GABRB2: variants seen among roughly 807,000 people sequenced by gnomAD.
GABRB2 encodes gamma-aminobutyric acid receptor subunit beta-2.
In GABRB2, 16 loss-of-function variants were observed where a neutral mutation model predicts 54.7. The ratio of observed to expected loss-of-function variants is 0.29; its 90% CI spans 0.20 to 0.44. The LOEUF (loss-of-function observed/expected upper bound fraction) is 0.44, where lower values mean the gene tolerates loss of function less well. GABRB2 is among the 20% of genes least tolerant of loss of function. The pLI, the probability that GABRB2 is intolerant of heterozygous loss-of-function variation, is 1.00. For synonymous variants in GABRB2, 244 were observed against 233.8 expected (o/e 1.04, Z -0.40); for missense variants, 355 against 644.0 (o/e 0.55, Z 4.86).
intron 3 of GABRB2, among the ~76,000 whole-genome samples, chr5:161,490,696 C>T: frequency 6.6e-6 from 1 of 151,580 alleles, no homozygotes; most frequent in East Asian, 1.9e-4. Flanking sequence ...ATTTCAAAGC[C>T]TTATATAGTA....
intron 3 of GABRB2, among the ~76,000 whole-genome samples, chr5:161,474,652 C>A (rs1758541625): frequency 1.3e-5 from 2 of 151,878 alleles, no homozygotes; most frequent in African/African-American, 4.8e-5. Flanking sequence ...TGCTTTATTG[C>A]TCTCTCTTAG....
At chr5:161,409,014 C>A (rs1756428341) in intron 5 of GABRB2, among the ~76,000 whole-genome samples, 1 of 152,036 alleles carries the variant, frequency 6.6e-6, no homozygotes, top group Non-Finnish European at 1.5e-5. Flanking sequence ...ATTAATATAA[C>A]ACCATATCTA....
chr5:161,303,449 G>A (rs924508944), intron 9 of GABRB2, among the ~76,000 whole-genome samples: 1 of 152,082 alleles, frequency 6.6e-6, no homozygotes, highest in African/African-American at 2.4e-5. Context: ...TTTATGGATC[G>A]GGGACCTATG....
At chr5:161,491,762 T>G (rs548454165) in intron 3 of GABRB2, among the ~76,000 whole-genome samples, 1 of 151,808 alleles carries the variant, frequency 6.6e-6, no homozygotes, top group South Asian at 2.1e-4. Context: ...TACTGGAGAT[T>G]ATGTCTTAGA....
chr5:161,398,020 T>TAGATAGATAGATAGATAGAC, intron 5 of GABRB2, among the ~76,000 whole-genome samples: 1 of 151,524 alleles, frequency 6.6e-6, no homozygotes, highest in East Asian at 1.9e-4. Context: ...AGATGATAGA[T>TAGATAGATAGATAGATAGAC]AGATAGATAG....
intron 8 of GABRB2, among the ~76,000 whole-genome samples, chr5:161,328,942 T>C (rs766723608): frequency 6.6e-6 from 1 of 152,168 alleles, no homozygotes; most frequent in Non-Finnish European, 1.5e-5. Context: ...TGTTCTCTCA[T>C]ATTCCATCAC....
chr5:161,547,951 G>C (rs577459817), upstream of GABRB2: 9 of 152,324 alleles, frequency 5.9e-5, no homozygotes, highest in African/African-American at 2.2e-4. Flanking sequence ...CCGGCCCCTC[G>C]TCCGGGACAG....
intron 3 of GABRB2, among the ~76,000 whole-genome samples, chr5:161,493,739 T>C (rs954706078): frequency 2.6e-5 from 4 of 151,780 alleles, no homozygotes; most frequent in African/African-American, 4.8e-5. Flanking sequence ...TCCATCACAT[T>C]GTAATGGATT....
chr5:161,406,841 C>G (rs1756362035), intron 5 of GABRB2, among the ~76,000 whole-genome samples: 2 of 152,008 alleles, frequency 1.3e-5, no homozygotes, highest in Non-Finnish European at 2.9e-5. Context: ...TCAGTAAACA[C>G]TTTGTGTATC....
intron 5 of GABRB2, among the ~76,000 whole-genome samples, chr5:161,346,395 A>G (rs1049263043): frequency 6.6e-6 from 1 of 152,146 alleles, no homozygotes; most frequent in Middle Eastern, 3.2e-3. Flanking sequence ...CAAAAGTGAT[A>G]ATGGAAGATG....
chr5:161,446,592 G>C (rs1430139457), intron 4 of GABRB2, among the ~76,000 whole-genome samples: 1 of 152,058 alleles, frequency 6.6e-6, no homozygotes, highest in Non-Finnish European at 1.5e-5. Context: ...CCCCATCTTT[G>C]ACGTGTATAC....
At chr5:161,539,690 G>A (rs554538580) in intron 3 of GABRB2, among the ~76,000 whole-genome samples, 3 of 152,082 alleles carry the variant, frequency 2.0e-5, no homozygotes, top group Non-Finnish European at 4.4e-5. Context: ...GTTCATAGAC[G>A]ACCAATAAAC....
intron 9 of GABRB2, among the ~76,000 whole-genome samples, chr5:161,300,296 A>ATTCCTT (rs1270429941): frequency 6.6e-6 from 1 of 152,172 alleles, no homozygotes; most frequent in Non-Finnish European, 1.5e-5. Context: ...AGCAATTATC[A>ATTCCTT]TTCCTTTTTC....
intron 9 of GABRB2, among the ~76,000 whole-genome samples, chr5:161,305,078 G>A (rs1031450675): frequency 8.6e-5 from 12 of 138,948 alleles, no homozygotes; most frequent in East Asian, 4.3e-4. Context: ...CTGCAGTGGC[G>A]CAATCTCGGC....
chr5:161,384,300 G>A (rs1487395899), intron 5 of GABRB2, among the ~76,000 whole-genome samples: 1 of 152,152 alleles, frequency 6.6e-6, no homozygotes, highest in East Asian at 1.9e-4. Context: ...TAAACGTCTT[G>A]TATATATCTT....
At chr5:161,314,785 GAATTTTCC>G (rs1485038698) in intron 9 of GABRB2, among the ~76,000 whole-genome samples, 2 of 151,288 alleles carry the variant, frequency 1.3e-5, no homozygotes, top group Non-Finnish European at 1.5e-5. Flanking sequence ...AATCTTTCCA[GAATTTTCC>G]CAGTGAGAAC....
chr5:161,498,076 A>G (rs1373195197), intron 3 of GABRB2, among the ~76,000 whole-genome samples: 1 of 152,178 alleles, frequency 6.6e-6, no homozygotes, highest in Non-Finnish European at 1.5e-5. Context: ...AAGCTAACAC[A>G]TAATGCAGCC....
At chr5:161,512,848 A>G (rs1759818866) in intron 3 of GABRB2, among the ~76,000 whole-genome samples, 1 of 151,986 alleles carries the variant, frequency 6.6e-6, no homozygotes, top group Non-Finnish European at 1.5e-5. Context: ...TCTACAAGGA[A>G]TTCATATGAT....
upstream of GABRB2, chr5:161,546,898 G>C: frequency 1.7e-6 from 1 of 573,490 alleles, no homozygotes; most frequent in Non-Finnish European, 2.6e-6. Flanking sequence ...CCCCACAGCA[G>C]CATCCAGAAT....
Sources: gnomAD v4.1 joint callset for allele counts (sites outside exome capture counted in the v4.1 genomes callset) on GRCh38, gnomAD v4.1.1 for gene constraint, MANE v1.5 for transcripts, NCBI Gene and HGNC (gene_info 2026-07-23, HGNC 2026-07-21) for gene names.